The following NRXN1 variants were observed in gnomAD, a reference collection of about 807,000 sequenced individuals.
NRXN1 encodes the protein neurexin-1.
In NRXN1, 39 loss-of-function variants were observed where a neutral mutation model predicts 150.9. The observed-to-expected ratio is 0.26, with a 90% confidence interval of 0.20 to 0.34. The LOEUF is 0.34. Ranked by LOEUF, NRXN1 falls within the 10% of genes least tolerant of loss-of-function variation. The pLI, the probability that NRXN1 is intolerant of heterozygous loss-of-function variation, is 1.00. For missense variants in NRXN1, 1,815 were observed against 1,949.9 expected, an observed-to-expected ratio of 0.93 and a Z score of 1.30; for synonymous variants, 924 against 757.0, an observed-to-expected ratio of 1.22 and a Z score of -3.62.
intron 22 of NRXN1, among the ~76,000 whole-genome samples, chr2:49,934,249 ATTG>A (rs1302548921): frequency 6.6e-6 from 1 of 152,178 alleles, no homozygotes; most frequent in East Asian, 1.9e-4. Flanking sequence ...TCTTTCTAAA[ATTG>A]TTAAGTCAAT....
At chr2:50,922,419 T>G in intron 4 of NRXN1, 1 of 599,056 alleles carries the variant, frequency 1.7e-6, no homozygotes, top group East Asian at 2.8e-5. Context: ...ATGTCTCATT[T>G]ATTTGCAAAT....
At chr2:50,557,254 C>T (rs1300317270) in intron 8 of NRXN1, among the ~76,000 whole-genome samples, 1 of 152,066 alleles carries the variant, frequency 6.6e-6, no homozygotes, top group African/African-American at 2.4e-5. Flanking sequence ...TAAATATGTG[C>T]TTCAGCTTGG....
At chr2:50,275,482 A>G (rs1449883013) in intron 17 of NRXN1, among the ~76,000 whole-genome samples, 2 of 152,076 alleles carry the variant, frequency 1.3e-5, no homozygotes, top group African/African-American at 2.4e-5. Flanking sequence ...TTGTTTTTAA[A>G]TATTTAAAGT....
chr2:50,447,952 G>A (rs1165740159), intron 17 of NRXN1, among the ~76,000 whole-genome samples: 1 of 151,382 alleles, frequency 6.6e-6, no homozygotes, highest in African/African-American at 2.4e-5. Flanking sequence ...TAATAAGCAA[G>A]TAAAGTGTAT....
intron 2 of NRXN1, among the ~76,000 whole-genome samples, chr2:50,935,564 T>C (rs942501577): frequency 8.6e-5 from 13 of 151,942 alleles, no homozygotes; most frequent in African/African-American, 2.9e-4. Flanking sequence ...GCATGTCTCT[T>C]AAAAATACAA....
intron 17 of NRXN1, among the ~76,000 whole-genome samples, chr2:50,299,419 T>C (rs1486413589): frequency 1.4e-5 from 2 of 138,304 alleles, no homozygotes; most frequent in African/African-American, 2.6e-5. Context: ...AATTTTTTTT[T>C]TTTTTTAAAA....
At position 50,146,169 on chromosome 2, in the gene NRXN1, G is replaced by A. The variant is rs770317146; in HGVS notation, c.3547-54675C>T. ...TATAATTACCATGATTCATTCAAAA[G>A]TATGAACTGCAGTAGTTACTATGCA... On this transcript the variant is annotated intron_variant, in intron 18 of 22. Transcript: ENST00000401669. Among the ~76,000 whole-genome samples, 5 of 151,632 alleles carry A rather than the reference G, an allele frequency of 3.3e-5. No homozygotes were observed. In the Admixed American group the frequency reaches 3.3e-4, roughly 10 times the overall value.
chr2:50,817,007 C>A (rs574992547), intron 5 of NRXN1, among the ~76,000 whole-genome samples: 1 of 151,834 alleles, frequency 6.6e-6, no homozygotes, highest in Non-Finnish European at 1.5e-5. Flanking sequence ...ACAGGGCTCT[C>A]GGAGATCACA....
At chr2:50,531,809 G>C (rs969013899) in intron 10 of NRXN1, among the ~76,000 whole-genome samples, 1 of 151,896 alleles carries the variant, frequency 6.6e-6, no homozygotes, top group Non-Finnish European at 1.5e-5. Flanking sequence ...AAACACCAGC[G>C]AAGTTGTGGA....
At chr2:50,098,910 A>G (rs1376814408) in intron 18 of NRXN1, among the ~76,000 whole-genome samples, 10 of 133,972 alleles carry the variant, frequency 7.5e-5, no homozygotes, top group African/African-American at 2.5e-4. Context: ...AGCACTACAC[A>G]ATAAGGAATC....
At chr2:50,476,277 G>A (rs1053845721) in intron 15 of NRXN1, among the ~76,000 whole-genome samples, 1 of 151,998 alleles carries the variant, frequency 6.6e-6, no homozygotes, top group Non-Finnish European at 1.5e-5. Context: ...AATGAACTGG[G>A]GTGATATCAT....
At chr2:50,086,006 T>G (rs1698727282) in intron 19 of NRXN1, among the ~76,000 whole-genome samples, 1 of 152,204 alleles carries the variant, frequency 6.6e-6, no homozygotes, top group African/African-American at 2.4e-5. Flanking sequence ...ACGAGCATTG[T>G]GATCTTGAGC....
chr2:50,435,195 G>A (rs976337220), intron 17 of NRXN1, among the ~76,000 whole-genome samples: 2 of 152,102 alleles, frequency 1.3e-5, no homozygotes, highest in African/African-American at 4.8e-5. Flanking sequence ...CTGCAGAAAT[G>A]GGTTCAAGTT....
chr2:50,790,182 C>CA (rs1445576660), intron 5 of NRXN1, among the ~76,000 whole-genome samples: 1 of 151,952 alleles, frequency 6.6e-6, no homozygotes, highest in African/African-American at 2.4e-5. Context: ...CTACCTGTCC[C>CA]ATGGCTTCCG....
chr2:50,415,575 C>A (rs2083477023), intron 17 of NRXN1, among the ~76,000 whole-genome samples: 1 of 152,122 alleles, frequency 6.6e-6, no homozygotes, highest in African/African-American at 2.4e-5. Context: ...AGATCCACAG[C>A]ATATTAGGCT....
At chr2:50,453,092 A>G (rs1256439087) in intron 17 of NRXN1, among the ~76,000 whole-genome samples, 1 of 152,208 alleles carries the variant, frequency 6.6e-6, no homozygotes, top group East Asian at 1.9e-4. Context: ...TCTATTTACA[A>G]AATTTCTTTG....
intron 15 of NRXN1, among the ~76,000 whole-genome samples, chr2:50,485,450 A>G (rs1487074753): frequency 6.6e-6 from 1 of 152,228 alleles, no homozygotes; most frequent in Non-Finnish European, 1.5e-5. Context: ...CAGCTCTCAG[A>G]GGAGGGTCTC....
At chr2:50,554,001 T>C (rs944991466) in intron 8 of NRXN1, among the ~76,000 whole-genome samples, 9 of 152,190 alleles carry the variant, frequency 5.9e-5, no homozygotes, top group Non-Finnish European at 1.3e-4. Flanking sequence ...GATAATCACA[T>C]TTCTAAAATA....
chr2:50,921,807 G>T, intron 5 of NRXN1, 62 bp downstream of exon 5: 1 of 790,160 alleles, frequency 1.3e-6, no homozygotes, highest in Non-Finnish European at 1.9e-6. Flanking sequence ...ATACATTTAT[G>T]TAACTCAGAC....
Sources: gnomAD v4.1 joint callset for allele counts (sites outside exome capture counted in the v4.1 genomes callset) on GRCh38, gnomAD v4.1.1 for gene constraint, MANE v1.5 for transcripts, NCBI Gene and HGNC (gene_info 2026-07-23, HGNC 2026-07-21) for gene names.